Variants in CCNE2 observed in about 807,000 individuals in gnomAD.
The protein encoded by CCNE2 is G1/S-specific cyclin-E2.
In CCNE2, 18 loss-of-function variants were observed where a neutral mutation model predicts 56.8. The observed-to-expected ratio is 0.32, with a 90% CI of 0.22 to 0.47. The LOEUF (loss-of-function observed/expected upper bound fraction) is 0.47. Ranked by LOEUF, CCNE2 falls within the 20% of genes least tolerant of loss-of-function variation. The pLI, the probability that CCNE2 is intolerant of heterozygous loss-of-function variation, is 1.00. For synonymous variants in CCNE2, 139 were observed against 149.2 expected (o/e 0.93, Z 0.50); for missense variants, 371 against 467.1 (o/e 0.79, Z 1.90).
At chr8:94,888,712 G>A (rs1293630128) in intron 6 of CCNE2, among the ~76,000 whole-genome samples, 1 of 152,126 alleles carries the variant, frequency 6.6e-6, no homozygotes, top group Non-Finnish European at 1.5e-5. Context: ...TTTTAGTAGA[G>A]ATGGGATTTT....
Position 94,881,414 on chromosome 8 carries a change from T to TAAAC in CCNE2, c.*214_*217dup, listed in dbSNP as rs554912176. 3 of 538,846 alleles carry TAAAC rather than the reference T, an allele frequency of 5.6e-6. 1 individual carries two copies. The East Asian group carries it at 9.1e-5, about 16-fold the overall frequency. 33.4% of individuals were successfully genotyped at this position (538,846 alleles called of 1,614,324 possible). A position where few individuals can be genotyped will look rare whatever the true frequency, so the allele number is the denominator to read the frequency against. On this transcript the variant is annotated 3_prime_UTR_variant, in exon 12 of 12. Transcript: ENST00000308108. ...AACCTTGGGAATGAAGACATCTTTG[T>TAAAC]AAACAAGTCCTGCTGTTTCTTTAAC...
At chr8:94,891,786 G>C (rs1025276654) in intron 5 of CCNE2, 1 of 1,478,672 alleles carries the variant, frequency 6.8e-7, no homozygotes, top group East Asian at 2.3e-5. Flanking sequence ...AGTGGGACTG[G>C]ACACAAGGTT....
intron 5 of CCNE2, chr8:94,891,706 A>C: frequency 1.4e-6 from 1 of 702,088 alleles, no homozygotes; most frequent in Admixed American, 2.3e-5. Context: ...TTAAAATGTC[A>C]CTTTACAGAA....
rs764126618 is a variant in CCNE2, at chr8:94,885,568, G to A, written c.601-10C>T. 56 of 1,522,598 alleles carry A rather than the reference G, an allele frequency of 3.7e-5. No homozygotes were observed. Among genetic ancestry groups the A allele is most frequent in the Non-Finnish European group, 3.6e-5 (40 of 1,104,424 alleles). 94.3% of individuals were successfully genotyped at this position (1,522,598 alleles called of 1,614,324 possible). On this transcript the variant is annotated splice_polypyrimidine_tract_variant and intron_variant, in intron 7 of 11. Transcript: ENST00000308108. ...TAGGAGCATAGATTTCCTTTAAATT[G>A]TAATATTTTTATTGAGTACAATTGA...
intron 5 of CCNE2, among the ~76,000 whole-genome samples, chr8:94,890,836 G>A (rs28399563): frequency 0.16 from 23,716 of 151,650 alleles, 1,982 homozygotes; most frequent in Middle Eastern, 0.26. Flanking sequence ...TCAAGTGATC[G>A]ACCTGCCTCA....
intron 7 of CCNE2, 82 bp downstream of exon 7, chr8:94,887,845 A>T: frequency 1.1e-6 from 1 of 907,718 alleles, no homozygotes; most frequent in Non-Finnish European, 1.6e-6. Flanking sequence ...AATATAAAAC[A>T]TAGTATTCTT....
rs1816761060 is a variant in CCNE2, at chr8:94,880,381, C to T, written c.*1251G>A. 1.9e-6 allele frequency: 1 copy of T among 531,146 alleles called. No individual in the cohort carries two copies. Among genetic ancestry groups the T allele is most frequent in the Admixed American group, 3.5e-5 (1 of 28,666 alleles). The allele number at this position is 531,146 out of a possible 1,614,324, so 32.9% of individuals were successfully genotyped here. Reference sequence around the variant, plus strand: ...ACTGAAACAAATATTAGTTTAAAAACAAACTATACAGAAGACTTCATACCG... The same window carrying T: ...ACTGAAACAAATATTAGTTTAAAAATAAACTATACAGAAGACTTCATACCG... On this transcript the variant is annotated 3_prime_UTR_variant, in exon 12 of 12. Transcript: ENST00000308108.
rs1817095021 is a variant in CCNE2 at position 94,887,943 on chromosome 8, A to G, written c.584T>C (p.Ile195Thr). Residue 195 changes from isoleucine (I) to threonine (T), a missense_variant, in exon 7 of 12, where the codon ATT (isoleucine) becomes ACT (threonine). Ile to Thr is a moderately conservative substitution (Grantham distance 89, BLOSUM62 -1). Coordinates refer to ENST00000308108, the MANE Select transcript of CCNE2 (RefSeq NM_057749.3). ...LQLIGITSLF[I>T]ASKLEEIYAP... The stretch of plus-strand genomic sequence containing the variant: ...AGAACTTACCTCAAGTTTGGAAGCA[A>G]TGAATAATGAGGTAATTCCAATGAG... 3 of 1,580,030 alleles carry G rather than the reference A, an allele frequency of 1.9e-6. No individual in the cohort carries two copies. The highest frequency in any genetic ancestry group is 2.6e-6 in the Non-Finnish European group (3 of 1,168,172).
chr8:94,891,976 T>C (rs1291905985), intron 5 of CCNE2: 2 of 952,512 alleles, frequency 2.1e-6, no homozygotes, highest in Non-Finnish European at 3.3e-6. Context: ...ACACGTGATC[T>C]CTCCCTGCCA....
At chr8:94,895,211 C>G (rs921437688), upstream of CCNE2, 19 of 985,696 alleles carry the variant, frequency 1.9e-5, no homozygotes, top group Non-Finnish European at 2.3e-5. Flanking sequence ...CAGCTGGCGC[C>G]GGCGCCAACC....
At position 94,887,986 on chromosome 8, in the gene CCNE2, T is replaced by G; in HGVS notation, c.541A>C (p.Asn181His). 1 of 1,595,822 alleles carries G rather than the reference T, an allele frequency of 6.3e-7. No homozygotes were observed. The highest frequency in any genetic ancestry group is 8.5e-7 in the Non-Finnish European group (1 of 1,170,148). ...DRFMLTQKDI[N>H]KNMLQLIGIT... ...CCAATGAGTTGAAGCATATTTTTAT[T>G]TATATCCTTTTGTGTCAACATAAAT... Residue 181 changes from asparagine (N) to histidine (H), a missense_variant, in exon 7 of 12, where the codon AAT (asparagine) becomes CAT (histidine). By Grantham distance (68) the Asn-to-His change is moderately conservative. Transcript: ENST00000308108.
Position 94,881,491 on chromosome 8 carries a change from T to G in CCNE2, c.*141A>C. The G allele has an allele frequency of 1.3e-6, 1 of 750,252 alleles. No homozygotes were observed. The highest frequency in any genetic ancestry group is 2.2e-6 in the Non-Finnish European group (1 of 463,204). 46.5% of individuals were successfully genotyped at this position (750,252 alleles called of 1,614,324 possible). A position where few individuals can be genotyped will look rare whatever the true frequency, so the allele number is the denominator to read the frequency against. On this transcript the variant is annotated 3_prime_UTR_variant, in exon 12 of 12. Transcript: ENST00000308108. ...ATTCTTTAGTGCCAATTGTAAGTTT[T>G]AAAATCAGAATGGCAGTGTAACTTG...
At chr8:94,892,254 A>G in intron 5 of CCNE2, 4 of 352,852 alleles carry the variant, frequency 1.1e-5, no homozygotes, top group South Asian at 7.0e-5. Context: ...AGGATCACCT[A>G]TGGGGTGGGT....
chr8:94,881,779 TAAATC>T (rs1239308445), intron 11 of CCNE2, 34 bp from the exon 12 acceptor site: 3 of 1,610,850 alleles, frequency 1.9e-6, no homozygotes, highest in Non-Finnish European at 1.7e-6. Flanking sequence ...ACTGATTTCA[TAAATC>T]AAAGTCAAAC....
chr8:94,885,719 TTTTC>T (rs1376120939), intron 7 of CCNE2, among the ~76,000 whole-genome samples, 161 bp from the exon 8 acceptor site: 14 of 149,458 alleles, frequency 9.4e-5, no homozygotes, highest in South Asian at 4.2e-4. Flanking sequence ...AAAAAGTACA[TTTTC>T]TTTCTTTTTT....
rs1428008634 is a variant in CCNE2 at position 94,894,019 on chromosome 8, T to G, written c.111+4A>C. 3 of 1,613,846 alleles carry G rather than the reference T, an allele frequency of 1.9e-6. No individual in the cohort carries two copies. The highest frequency in any genetic ancestry group is 2.5e-6 in the Non-Finnish European group (3 of 1,179,960). On this transcript the variant is annotated splice_donor_region_variant and intron_variant, in intron 3 of 11. Coordinates refer to ENST00000308108, the MANE Select transcript of CCNE2 (RefSeq NM_057749.3). The stretch of plus-strand genomic sequence containing the variant: ...TCGTTCCTCCCTCTTTCTCCTTAAA[T>G]CACCTGGGTAGTTTTCCTCTTCTTG...
At chr8:94,896,090 T>C (rs1044084800), upstream of CCNE2, among the ~76,000 whole-genome samples, 20 of 152,040 alleles carry the variant, frequency 1.3e-4, no homozygotes, top group African/African-American at 4.3e-4. Flanking sequence ...GCGCCCTCCC[T>C]TGCTTCCTCT....
In CCNE2 at chr8:94,881,090, T is replaced by C. The variant is rs1468508034; in HGVS notation, c.*542A>G. On this transcript the variant is annotated 3_prime_UTR_variant, in exon 12 of 12. Transcript: ENST00000308108. ...ACCATTTGTAGAAATTCAAGTTTTA[T>C]AATAGCTTGCTATAGCAGCTATAGA... 1 of 397,324 alleles carries C rather than the reference T, an allele frequency of 2.5e-6. No homozygotes were observed. The highest frequency in any genetic ancestry group is 4.4e-6 in the Non-Finnish European group (1 of 225,372). 24.6% of individuals were successfully genotyped at this position (397,324 alleles called of 1,614,324 possible).
intron 5 of CCNE2, 41 bp from the exon 6 acceptor site, chr8:94,890,591 A>ATT (rs33988905): frequency 2.6e-4 from 81 of 310,728 alleles, no homozygotes; most frequent in Non-Finnish European, 3.2e-4. Flanking sequence ...ATATATATAT[A>ATT]TTTTTTTTTT....
Sources: allele counts gnomAD v4.1 joint callset (sites outside exome capture counted in the v4.1 genomes callset), GRCh38; gene constraint gnomAD v4.1.1; transcripts MANE v1.5; gene names NCBI Gene and HGNC (gene_info 2026-07-23, HGNC 2026-07-21).